The following RIMS1 variants were observed in gnomAD, a reference collection of about 807,000 sequenced individuals.
RIMS1 encodes regulating synaptic membrane exocytosis protein 1.
Under a neutral mutation model 214.1 loss-of-function variants are expected in RIMS1, and 83 were observed. The ratio of observed to expected loss-of-function variants is 0.39; its 90% CI spans 0.32 to 0.47. The LOEUF (loss-of-function observed/expected upper bound fraction) is 0.47, where lower values mean the gene tolerates loss of function less well. RIMS1 is among the 20% of genes least tolerant of loss of function. RIMS1 has a pLI of 0.99. For missense variants in RIMS1, 2,050 were observed against 2,161.8 expected (o/e 0.95, Z 1.03); for synonymous variants, 793 against 786.8 (o/e 1.01, Z -0.13).
intron 29 of RIMS1, among the ~76,000 whole-genome samples, chr6:72,388,998 C>T (rs539825137): frequency 6.6e-6 from 1 of 152,212 alleles, no homozygotes; most frequent in South Asian, 2.1e-4. Context: ...GGCACAAGGG[C>T]ATAGGTGGCT....
chr6:71,892,198 T>C (rs1385123317), intron 1 of RIMS1, among the ~76,000 whole-genome samples: 1 of 152,254 alleles, frequency 6.6e-6, no homozygotes, highest in African/African-American at 2.4e-5. Context: ...CTGGCTATTA[T>C]GATTTGTTTC....
At chr6:72,095,582 T>C (rs550963583) in intron 2 of RIMS1, among the ~76,000 whole-genome samples, 36 of 152,324 alleles carry the variant, frequency 2.4e-4, no homozygotes, top group Non-Finnish European at 4.7e-4. Context: ...TTATTGGAAT[T>C]AAATAGAAAA....
At chr6:72,297,912 TTGTCTTTGC>T (rs777193416) in intron 26 of RIMS1, among the ~76,000 whole-genome samples, 8 of 152,038 alleles carry the variant, frequency 5.3e-5, no homozygotes, top group Non-Finnish European at 1.2e-4. Flanking sequence ...GAGCTGAAGT[TTGTCTTTGC>T]TGGGATCTAT....
intron 4 of RIMS1, among the ~76,000 whole-genome samples, chr6:72,159,613 G>C (rs1467823154): frequency 7.1e-6 from 1 of 140,676 alleles, no homozygotes; most frequent in Non-Finnish European, 1.6e-5. Flanking sequence ...CATATGGCTA[G>C]CCAGTTTTCC....
At chr6:71,901,147 TA>T (rs1301497132) in intron 1 of RIMS1, among the ~76,000 whole-genome samples, 2 of 151,970 alleles carry the variant, frequency 1.3e-5, no homozygotes, top group East Asian at 3.9e-4. Context: ...AATGAGAAAC[TA>T]AAAGTCTTAT....
chr6:71,985,008 G>A (rs1453531714), intron 2 of RIMS1, among the ~76,000 whole-genome samples: 1 of 152,064 alleles, frequency 6.6e-6, no homozygotes, highest in African/African-American at 2.4e-5. Flanking sequence ...CAATGTACAT[G>A]AGACAGCCCA....
At chr6:72,130,919 C>A (rs1470630301) in intron 4 of RIMS1, among the ~76,000 whole-genome samples, 2 of 151,946 alleles carry the variant, frequency 1.3e-5, no homozygotes, top group Non-Finnish European at 2.9e-5. Context: ...GAGAGACTCC[C>A]CAAAACAGGA....
intron 2 of RIMS1, among the ~76,000 whole-genome samples, chr6:72,002,365 C>T (rs1005902076): frequency 5.9e-5 from 9 of 151,918 alleles, no homozygotes; most frequent in East Asian, 3.9e-4. Context: ...ATGTAGCAGC[C>T]GTGGCACTAT....
intron 2 of RIMS1, among the ~76,000 whole-genome samples, chr6:72,011,161 C>T (rs1440999075): frequency 6.6e-6 from 1 of 152,150 alleles, no homozygotes; most frequent in Admixed American, 6.5e-5. Flanking sequence ...ACAGAGCCCT[C>T]AGGAATAAAG....
chr6:72,290,774 C>T lies in RIMS1; in HGVS notation c.3650C>T (p.Ser1217Leu), dbSNP rs750847073. 2.5e-6 allele frequency: 4 copies of T among 1,613,652 alleles called. No homozygotes were observed. The highest frequency in any genetic ancestry group is 1.7e-5 in the Admixed American group (1 of 60,004). ...IRGKHPARSR[S>L]SEHSSIRTLC... is the part of the protein sequence containing the mutation. ...GGAAAACATCCTGCTCGCTCAAGGT[C>T]GAGTGAGCACTCTAGTATCAGAACA... is the stretch of plus-strand genomic sequence containing the variant. The change falls in exon 25 of 34, where the codon TCG (serine) becomes TTG (leucine). Residue 1217 changes from serine (S) to leucine (L), a missense_variant. This residue lies in a region of RIMS1 where 889 missense variants were observed against 885.5 expected (regional missense o/e 1.00). Coordinates refer to ENST00000521978, the MANE Select transcript of RIMS1 (RefSeq NM_014989.7).
intron 29 of RIMS1, among the ~76,000 whole-genome samples, chr6:72,372,567 T>G (rs1477964546): frequency 6.6e-6 from 1 of 152,240 alleles, no homozygotes; most frequent in Admixed American, 6.5e-5. Context: ...AAAATCAATT[T>G]ACCAAGAATT....
chr6:72,045,328 A>G (rs1822678831), intron 2 of RIMS1, among the ~76,000 whole-genome samples: 1 of 151,952 alleles, frequency 6.6e-6, no homozygotes, highest in Non-Finnish European at 1.5e-5. Context: ...TATTCACCTG[A>G]CATAAAAAAT....
At chr6:72,211,227 T>C (rs2053753239) in intron 6 of RIMS1, among the ~76,000 whole-genome samples, 1 of 152,196 alleles carries the variant, frequency 6.6e-6, no homozygotes, top group African/African-American at 2.4e-5. Flanking sequence ...CTATTGTTTC[T>C]TAAGTGCCAA....
At chr6:72,352,983 C>CTTTTTT (rs70994123) in intron 29 of RIMS1, among the ~76,000 whole-genome samples, 229 of 88,240 alleles carry the variant, frequency 2.6e-3, no homozygotes, top group African/African-American at 4.4e-3. Context: ...ATTCTTTTTT[C>CTTTTTT]TTTTTTTTTT....
intron 1 of RIMS1, among the ~76,000 whole-genome samples, chr6:71,963,544 T>C (rs1793567360): frequency 6.6e-6 from 1 of 152,184 alleles, no homozygotes; most frequent in African/African-American, 2.4e-5. Context: ...ATGTCTTATT[T>C]GATAAAATAT....
intron 21 of RIMS1, 102 bp from the exon 22 acceptor site, chr6:72,265,858 T>C (rs2154174811): frequency 1.3e-6 from 1 of 756,646 alleles, no homozygotes; most frequent in Non-Finnish European, 2.2e-6. Context: ...ACATTTTGTG[T>C]AAAGGGGACA....
At chr6:72,032,210 C>T (rs1818323054) in intron 2 of RIMS1, among the ~76,000 whole-genome samples, 1 of 151,486 alleles carries the variant, frequency 6.6e-6, no homozygotes, top group Non-Finnish European at 1.5e-5. Context: ...TTCCGTGTGG[C>T]CTTAGAAACA....
At chr6:72,296,069 A>G (rs1170001102) in intron 26 of RIMS1, 1 of 158,410 alleles carries the variant, frequency 6.3e-6, no homozygotes, top group Non-Finnish European at 1.4e-5. Flanking sequence ...GAGCAAAATT[A>G]ACAGGTAGCT....
At chr6:72,311,709 A>C (rs1454301225) in intron 27 of RIMS1, among the ~76,000 whole-genome samples, 1 of 152,190 alleles carries the variant, frequency 6.6e-6, no homozygotes, top group Non-Finnish European at 1.5e-5. Flanking sequence ...TGAGAGGTAA[A>C]GAAATAAAAA....
Sources: gnomAD v4.1 joint callset for allele counts (sites outside exome capture counted in the v4.1 genomes callset) on GRCh38, gnomAD v4.1.1 for gene constraint, gnomAD v4.1.1 regional missense constraint, MANE v1.5 for transcripts, NCBI Gene and HGNC (gene_info 2026-07-23, HGNC 2026-07-21) for gene names.